The following ARHGAP23 variants were observed in gnomAD, a reference collection of about 807,000 sequenced individuals.
The protein encoded by ARHGAP23 is rho GTPase-activating protein 23.
Under a neutral mutation model 136.3 loss-of-function variants are expected in ARHGAP23, and 34 were observed. That is an observed-to-expected ratio of 0.25 (90% CI 0.19 to 0.33). ARHGAP23 has a LOEUF of 0.33. Ranked by LOEUF, ARHGAP23 falls within the 10% of genes least tolerant of loss-of-function variation. The pLI, the probability that ARHGAP23 is intolerant of heterozygous loss-of-function variation, is 1.00. For missense variants in ARHGAP23, 1,808 were observed against 2,139.0 expected (o/e 0.85, Z 3.05); for synonymous variants, 832 against 920.5 (o/e 0.90, Z 1.74).
chr17:38,462,709 G>C (rs1020466499), intron 3 of ARHGAP23, 137 bp from the exon 4 acceptor site: 1 of 638,716 alleles, frequency 1.6e-6, no homozygotes, highest in Non-Finnish European at 2.6e-6. Flanking sequence ...CAGTGTCCTC[G>C]TGGATGTTTG....
At chr17:38,507,167 G>A (rs1163286615) in intron 23 of ARHGAP23, among the ~76,000 whole-genome samples, 4 of 151,710 alleles carry the variant, frequency 2.6e-5, no homozygotes, top group African/African-American at 4.8e-5. Flanking sequence ...CCAGCTACTC[G>A]GGAGGCTGAG....
At chr17:38,428,438 C>T (rs1159583862), upstream of ARHGAP23, 23 of 1,264,196 alleles carry the variant, frequency 1.8e-5, no homozygotes, top group Non-Finnish European at 6.1e-6. Flanking sequence ...CGGGTCCCTG[C>T]CGGCGCCCCC....
chr17:38,444,487 G>C (rs1481805815), intron 1 of ARHGAP23, among the ~76,000 whole-genome samples: 1 of 152,152 alleles, frequency 6.6e-6, no homozygotes, highest in African/African-American at 2.4e-5. Context: ...CCCCCACACT[G>C]AGCCAGGTTT....
chr17:38,498,970 G>C lies in ARHGAP23; in HGVS notation c.3415+460G>C, dbSNP rs762969394. 6 of 698,726 alleles carry C rather than the reference G, an allele frequency of 8.6e-6. No homozygotes were observed. The Admixed American group carries it at 1.2e-4, about 14-fold the overall frequency. The allele number at this position is 698,726 out of a possible 1,614,324, so 43.3% of individuals were successfully genotyped here. A position where few individuals can be genotyped will look rare whatever the true frequency, so the allele number is the denominator to read the frequency against. On this transcript the variant is annotated intron_variant, in intron 22 of 23. Transcript: ENST00000622683. The stretch of plus-strand genomic sequence containing the variant: ...GATTTAAAGGGTACAGTGCGGTGTC[G>C]CGGCCTCGGTCACTAACAGTGGCGG...
intron 23 of ARHGAP23, among the ~76,000 whole-genome samples, chr17:38,504,977 T>C (rs2040598571): frequency 2.0e-5 from 2 of 102,446 alleles, no homozygotes; most frequent in Admixed American, 1.2e-4. Flanking sequence ...TCCCTTATCA[T>C]CTTTTTTTTT....
intron 1 of ARHGAP23, among the ~76,000 whole-genome samples, chr17:38,456,073 C>A (rs1281213162): frequency 6.6e-6 from 1 of 152,204 alleles, no homozygotes; most frequent in Admixed American, 6.5e-5. Context: ...GTAGAACAGT[C>A]TAGAACGGTC....
At chr17:38,474,466 C>G (rs2039842385) in intron 11 of ARHGAP23, among the ~76,000 whole-genome samples, 1 of 152,024 alleles carries the variant, frequency 6.6e-6, no homozygotes, top group Non-Finnish European at 1.5e-5. Context: ...GGATTCCTGG[C>G]TTGGGCTGAG....
intron 1 of ARHGAP23, among the ~76,000 whole-genome samples, chr17:38,445,004 G>A (rs2039000122): frequency 1.3e-5 from 2 of 151,930 alleles, no homozygotes; most frequent in South Asian, 2.1e-4. Context: ...TTTTAGTAGA[G>A]ATGGGGTTTC....
chr17:38,499,509 C>G (rs908538737), intron 22 of ARHGAP23, among the ~76,000 whole-genome samples: 4 of 152,190 alleles, frequency 2.6e-5, no homozygotes, highest in Non-Finnish European at 4.4e-5. Context: ...CTCCTCCCCC[C>G]GCCATGGTTG....
At chr17:38,499,235 G>T (rs1300524968) in intron 22 of ARHGAP23, among the ~76,000 whole-genome samples, 1 of 152,194 alleles carries the variant, frequency 6.6e-6, no homozygotes, top group African/African-American at 2.4e-5. Context: ...CAGACCCTGC[G>T]GCCTCTCTTT....
intron 16 of ARHGAP23, among the ~76,000 whole-genome samples, chr17:38,484,835 GT>G (rs2040125132): frequency 6.6e-6 from 1 of 152,194 alleles, no homozygotes; most frequent in South Asian, 2.1e-4. Context: ...AGTAAGTGTA[GT>G]GGGGGATGAA....
chr17:38,505,843 G>A (rs186301627), intron 23 of ARHGAP23, among the ~76,000 whole-genome samples: 4 of 152,282 alleles, frequency 2.6e-5, no homozygotes, highest in African/African-American at 7.2e-5. Context: ...CAGGAGAATC[G>A]CTTGAACTGG....
chr17:38,463,651 G>A (rs1374051649), intron 6 of ARHGAP23, among the ~76,000 whole-genome samples: 2 of 152,100 alleles, frequency 1.3e-5, no homozygotes, highest in African/African-American at 2.4e-5. Flanking sequence ...AGCCTGGCAC[G>A]TTCTTGTCAG....
At chr17:38,434,701 T>C (rs1200239911) in intron 1 of ARHGAP23, among the ~76,000 whole-genome samples, 1 of 152,252 alleles carries the variant, frequency 6.6e-6, no homozygotes, top group Non-Finnish European at 1.5e-5. Context: ...GAGTTCATTC[T>C]GGCCCGAGAG....
At chr17:38,474,183 A>G (rs1812929524) in intron 11 of ARHGAP23, among the ~76,000 whole-genome samples, 2 of 152,162 alleles carry the variant, frequency 1.3e-5, no homozygotes, top group East Asian at 3.9e-4. Context: ...GGCCTCCCAA[A>G]GTGCTTGGAT....
intron 23 of ARHGAP23, among the ~76,000 whole-genome samples, chr17:38,504,545 C>T (rs1454922370): frequency 6.6e-6 from 1 of 152,230 alleles, no homozygotes; most frequent in East Asian, 1.9e-4. Context: ...TCTTGCCTGA[C>T]TCTAAAACCC....
intron 23 of ARHGAP23, among the ~76,000 whole-genome samples, chr17:38,505,894 T>C (rs1314804414): frequency 6.6e-6 from 1 of 152,158 alleles, no homozygotes; most frequent in African/African-American, 2.4e-5. Context: ...CACCATTGCA[T>C]TCCCAGCCTT....
At chr17:38,442,445 C>G (rs2038941009) in intron 1 of ARHGAP23, among the ~76,000 whole-genome samples, 1 of 152,242 alleles carries the variant, frequency 6.6e-6, no homozygotes, top group African/African-American at 2.4e-5. Context: ...AGAGCACCCA[C>G]CCTGGGCCAG....
In ARHGAP23 at chr17:38,464,986, C is replaced by T. The variant is rs564374053; in HGVS notation, c.484-1181C>T. Among the ~76,000 whole-genome samples the T allele has an allele frequency of 5.3e-5, 8 of 152,084 alleles. No homozygotes were observed. In the South Asian group the frequency reaches 1.5e-3, roughly 28 times the overall value. ...CTCCCTCCTCCTCCCGCCAGCCAGC[C>T]GAGAGAGAGTCGGGTGGGGGTGAGG... On this transcript the variant is annotated intron_variant, in intron 6 of 23. Coordinates refer to ENST00000622683, the MANE Select transcript of ARHGAP23 (RefSeq NM_001199417.2).
Sources: gnomAD v4.1 joint callset for allele counts (sites outside exome capture counted in the v4.1 genomes callset) on GRCh38, gnomAD v4.1.1 for gene constraint, MANE v1.5 for transcripts, NCBI Gene and HGNC (gene_info 2026-07-23, HGNC 2026-07-21) for gene names.